AGBL1: variants seen among roughly 807,000 people sequenced by gnomAD.
AGBL1 encodes AGBL carboxypeptidase 1, also known as cytosolic carboxypeptidase 4.
AGBL1 carries 130 observed loss-of-function variants against 118.9 expected under a neutral mutation model. The observed-to-expected ratio is 1.09, with a 90% CI of 0.95 to 1.26. The LOEUF (loss-of-function observed/expected upper bound fraction) is 1.26. Among genes scored for constraint, AGBL1 ranks in the 50% most tolerant of loss-of-function variants. The pLI, the probability that AGBL1 is intolerant of heterozygous loss-of-function variation, is 0.00. For synonymous variants in AGBL1, 555 were observed against 478.9 expected (o/e 1.16, Z -2.08); for missense variants, 1,584 against 1,298.1 (o/e 1.22, Z -3.38).
rs1270600056 is a variant in AGBL1 at position 86,910,518 on chromosome 15, T to G, written c.*3224T>G. ...ATCAGCGCCATTTTTCCCTTGTTTA[T>G]GGCTGAGGGTTTGGTGCTCCTGCTA... On this transcript the variant is annotated 3_prime_UTR_variant, in exon 23 of 23. Coordinates refer to ENST00000614907, the MANE Select transcript of AGBL1 (RefSeq NM_001386094.1). The G allele has an allele frequency of 6.6e-6, 1 of 152,226 alleles. No individual in the cohort carries two copies. Among genetic ancestry groups the G allele is most frequent in the Non-Finnish European group, 1.5e-5 (1 of 68,050 alleles). 9.4% of individuals were successfully genotyped at this position (152,226 alleles called of 1,614,324 possible).
intron 5 of AGBL1, among the ~76,000 whole-genome samples, chr15:86,224,685 C>T (rs561747765): frequency 3.3e-5 from 5 of 152,240 alleles, no homozygotes; most frequent in Admixed American, 3.3e-4. Context: ...AAGAGATTTT[C>T]AGCAGCAGAG....
intron 18 of AGBL1, among the ~76,000 whole-genome samples, chr15:86,409,123 C>A (rs945399999): frequency 2.6e-5 from 4 of 152,164 alleles, no homozygotes; most frequent in African/African-American, 4.8e-5. Flanking sequence ...AAATCATGGT[C>A]TGTAGAGAAT....
Position 86,828,964 on chromosome 15 carries a change from TAAA to T in AGBL1, c.3159-78122_3159-78120del, listed in dbSNP as rs540132750. ...TATACTGTGTATTTATATGGTATAA[TAAA>T]TATTATATATATAGTATGTATATAA... On this transcript the variant is annotated intron_variant, in intron 22 of 22. Coordinates refer to ENST00000614907, the MANE Select transcript of AGBL1 (RefSeq NM_001386094.1). Among the ~76,000 whole-genome samples, 10 of 147,996 alleles carry T rather than the reference TAAA, an allele frequency of 6.8e-5. No homozygotes were observed. The South Asian group carries it at 2.1e-3, about 31-fold the overall frequency.
At chr15:86,166,317 G>A (rs2077340936) in intron 5 of AGBL1, among the ~76,000 whole-genome samples, 1 of 152,248 alleles carries the variant, frequency 6.6e-6, no homozygotes, top group Non-Finnish European at 1.5e-5. Flanking sequence ...GAATGATGTA[G>A]TGTATGAGGA....
chr15:86,448,603 T>A (rs958336646), intron 18 of AGBL1, among the ~76,000 whole-genome samples: 1 of 152,198 alleles, frequency 6.6e-6, no homozygotes, highest in Non-Finnish European at 1.5e-5. Flanking sequence ...GTCTAGAGTG[T>A]CTTAGAGGAA....
intron 1 of AGBL1, chr15:86,104,975 C>T (rs1251526771): frequency 2.6e-5 from 4 of 152,154 alleles, no homozygotes; most frequent in Non-Finnish European, 4.4e-5. Context: ...CCCTTCCCTG[C>T]ATTGGGGAGC....
chr15:86,701,594 T>G (rs1386959784), intron 22 of AGBL1, among the ~76,000 whole-genome samples: 1 of 152,058 alleles, frequency 6.6e-6, no homozygotes. Flanking sequence ...AAGAAAGCAG[T>G]TGAAGAGAAC....
intron 24 of AGBL1, among the ~76,000 whole-genome samples, chr15:87,010,098 A>T (rs2081542913): frequency 6.6e-6 from 1 of 152,086 alleles, no homozygotes; most frequent in Admixed American, 6.5e-5. Context: ...CAGGGGTGGA[A>T]TGATATGGTT....
At chr15:86,827,924 C>A (rs76739053) in intron 22 of AGBL1, among the ~76,000 whole-genome samples, 5,754 of 42,220 alleles carry the variant, frequency 0.14, 239 homozygotes, top group East Asian at 0.36. Flanking sequence ...TAGTCTCTGG[C>A]ACTTGATGTA....
chr15:86,980,143 C>T lies in AGBL1; in HGVS notation c.3222-7844C>T, dbSNP rs1263016462. The stretch of plus-strand genomic sequence containing the variant: ...ATTCTTTGCCCTCCTAGAGCAGCAA[C>T]TCAACTCAGTAATCAGATCCTAGTT... On this transcript the variant is annotated intron_variant, in intron 23 of 24. Transcript: ENST00000441037. Among the ~76,000 whole-genome samples, 3 of 150,866 alleles carry T rather than the reference C, an allele frequency of 2.0e-5. No homozygotes were observed. In the East Asian group the frequency reaches 5.8e-4, roughly 29 times the overall value.
chr15:86,546,269 G>T (rs1281503290), intron 20 of AGBL1, 136 bp downstream of exon 20: 2 of 1,068,140 alleles, frequency 1.9e-6, no homozygotes, highest in Non-Finnish European at 1.2e-6. Context: ...CTAACCATAG[G>T]ATTGTAATAC....
intron 19 of AGBL1, 76 bp from the exon 20 acceptor site, chr15:86,545,926 T>G (rs567843958): frequency 1.3e-6 from 2 of 1,515,938 alleles, no homozygotes; most frequent in Admixed American, 1.9e-5. Flanking sequence ...GGAACATGAG[T>G]AGATACGATT....
intron 23 of AGBL1, among the ~76,000 whole-genome samples, chr15:86,953,370 T>A (rs917394644): frequency 6.6e-6 from 1 of 151,726 alleles, no homozygotes; most frequent in Non-Finnish European, 1.5e-5. Flanking sequence ...CTTGTAGAGA[T>A]CTTTCATCTT....
intron 24 of AGBL1, among the ~76,000 whole-genome samples, chr15:87,020,849 G>C (rs2081657365): frequency 6.6e-6 from 1 of 151,944 alleles, no homozygotes; most frequent in African/African-American, 2.4e-5. Flanking sequence ...AAATCAGAGA[G>C]GACATAAATA....
At chr15:86,647,543 A>G (rs2085303171) in intron 21 of AGBL1, among the ~76,000 whole-genome samples, 1 of 152,170 alleles carries the variant, frequency 6.6e-6, no homozygotes, top group South Asian at 2.1e-4. Context: ...TCTACTAAAA[A>G]TACAAAAATT....
intron 17 of AGBL1, among the ~76,000 whole-genome samples, chr15:86,308,334 T>G (rs972105666): frequency 6.6e-5 from 10 of 151,524 alleles, no homozygotes; most frequent in African/African-American, 2.2e-4. Flanking sequence ...ACTAGTGTTC[T>G]TATAAGAAGA....
At chr15:86,190,433 A>G (rs1310706015) in intron 5 of AGBL1, among the ~76,000 whole-genome samples, 1 of 152,178 alleles carries the variant, frequency 6.6e-6, no homozygotes, top group Non-Finnish European at 1.5e-5. Context: ...TCAAGTAAAC[A>G]TCTATTCTTC....
chr15:86,905,512 C>A (rs1281122967), intron 22 of AGBL1, among the ~76,000 whole-genome samples: 2 of 152,190 alleles, frequency 1.3e-5, no homozygotes, highest in African/African-American at 4.8e-5. Context: ...TCTTCCACAC[C>A]ATGTTTCACC....
At chr15:86,253,635 C>A (rs1027153083) in intron 7 of AGBL1, among the ~76,000 whole-genome samples, 1 of 152,120 alleles carries the variant, frequency 6.6e-6, no homozygotes, top group African/African-American at 2.4e-5. Flanking sequence ...CTTCCTAGGG[C>A]ACAAAAATAA....
Sources: gnomAD v4.1 joint callset for allele counts (sites outside exome capture counted in the v4.1 genomes callset) on GRCh38, gnomAD v4.1.1 for gene constraint, MANE v1.5 for transcripts, NCBI Gene and HGNC (gene_info 2026-07-23, HGNC 2026-07-21) for gene names.